The following NCAPD3 variants were observed in gnomAD, a reference collection of about 807,000 sequenced individuals.
NCAPD3 encodes the protein condensin-2 complex subunit D3.
NCAPD3 carries 105 observed loss-of-function variants against 182.9 expected under a neutral mutation model. That is an observed-to-expected ratio of 0.57 (90% CI 0.49 to 0.68). The LOEUF is 0.68. Among genes scored for constraint, NCAPD3 ranks in the 30% least tolerant of loss-of-function variants. The pLI, the probability that NCAPD3 is intolerant of heterozygous loss-of-function variation, is 0.00. For synonymous variants in NCAPD3, 815 were observed against 679.9 expected (o/e 1.20, Z -3.09); for missense variants, 1,944 against 1,837.0 (o/e 1.06, Z -1.07).
At chr11:134,187,095 C>T (rs1315853089) in intron 16 of NCAPD3, among the ~76,000 whole-genome samples, 2 of 152,212 alleles carry the variant, frequency 1.3e-5, no homozygotes, top group Non-Finnish European at 2.9e-5. Context: ...CCCAGCCAGC[C>T]TCCCAGCCCA....
At chr11:134,180,149 C>T (rs753811135) in intron 20 of NCAPD3, among the ~76,000 whole-genome samples, 1 of 152,058 alleles carries the variant, frequency 6.6e-6, no homozygotes, top group Non-Finnish European at 1.5e-5. Flanking sequence ...TGCTACACTC[C>T]CTGGTGCTCT....
chr11:134,181,174 G>T lies in NCAPD3; in HGVS notation c.2462C>A (p.Thr821Lys). The change falls in exon 20 of 35, where the codon ACG (threonine) becomes AAG (lysine). Residue 821 changes from threonine to lysine, a missense_variant. By Grantham distance (78) the Thr-to-Lys change is moderately conservative. This residue lies in a region of NCAPD3 where 1,803 missense variants were observed against 1,674.6 expected (regional missense o/e 1.08). Coordinates refer to ENST00000534548, the MANE Select transcript of NCAPD3 (RefSeq NM_015261.3). ...GGAGAGTACATCCCCACACACCTGCGTCAGCAATTCCTACGGCAAGTCAAA... is the reference window on the plus strand; with the variant it reads ...GGAGAGTACATCCCCACACACCTGCTTCAGCAATTCCTACGGCAAGTCAAA... ...ETPAEEQELL[T>K]QVCGDVLSTC... The T allele has an allele frequency of 6.2e-7, 1 of 1,613,432 alleles. No homozygotes were observed. Among genetic ancestry groups the T allele is most frequent in the Non-Finnish European group, 8.5e-7 (1 of 1,179,524 alleles).
rs543374843 is a variant in NCAPD3 at position 134,201,301 on chromosome 11, C to T, written c.1615+1515G>A. Among the ~76,000 whole-genome samples, 41 of 151,856 alleles carry T rather than the reference C, an allele frequency of 2.7e-4. No homozygotes were observed. In the South Asian group the frequency reaches 5.8e-3, roughly 22 times the overall value. ...CGGCCTCCCAATGTGCCAGGATTACCGGTGTGAGCCACCACGCCTGGCCCA... is the reference window on the plus strand; with the variant it reads ...CGGCCTCCCAATGTGCCAGGATTACTGGTGTGAGCCACCACGCCTGGCCCA... On this transcript the variant is annotated intron_variant, in intron 13 of 34. Coordinates refer to ENST00000534548, the MANE Select transcript of NCAPD3 (RefSeq NM_015261.3).
chr11:134,163,595 G>A (rs1438181606), intron 27 of NCAPD3, among the ~76,000 whole-genome samples: 1 of 151,860 alleles, frequency 6.6e-6, no homozygotes, highest in African/African-American at 2.4e-5. Flanking sequence ...AGCTACTAGG[G>A]AGGCTGAGGC....
At chr11:134,222,716 T>C (rs1938278748) in intron 1 of NCAPD3, among the ~76,000 whole-genome samples, 2 of 152,228 alleles carry the variant, frequency 1.3e-5, no homozygotes, top group African/African-American at 4.8e-5. Flanking sequence ...ATTCTTCAAT[T>C]GGACCTGAAT....
At chr11:134,153,726 A>C (rs1173475721) in intron 32 of NCAPD3, 1 of 311,154 alleles carries the variant, frequency 3.2e-6, no homozygotes, top group Non-Finnish European at 6.2e-6. Flanking sequence ...CCCTGAGGAC[A>C]CTTCAACTCC....
At chr11:134,171,303 T>C (rs1449633971) in intron 24 of NCAPD3, among the ~76,000 whole-genome samples, 1 of 152,194 alleles carries the variant, frequency 6.6e-6, no homozygotes, top group Non-Finnish European at 1.5e-5. Flanking sequence ...TATTACAGCC[T>C]TGTAAAAAGA....
intron 8 of NCAPD3, among the ~76,000 whole-genome samples, chr11:134,205,678 C>A (rs1029552238): frequency 1.3e-5 from 2 of 152,114 alleles, no homozygotes; most frequent in East Asian, 3.9e-4. Flanking sequence ...CGCCCCGCCT[C>A]AAGAAGAAAT....
rs199539835 is a variant in NCAPD3, at chr11:134,217,138, G to C, written c.220-40C>G. ...CAAATCACAAAAGCCAGTCATTAGA[G>C]AAATGGAAACATTTCCTATTATTTG... On this transcript the variant is annotated intron_variant, in intron 2 of 34. Transcript: ENST00000534548. The C allele has an allele frequency of 1.1e-3, 1,596 of 1,499,046 alleles. 2 individuals are homozygous for C. Among genetic ancestry groups the C allele is most frequent in the Non-Finnish European group, 1.2e-3 (1,390 of 1,122,394 alleles). The allele number at this position is 1,499,046 out of a possible 1,614,324, so 92.9% of individuals were successfully genotyped here. A position where few individuals can be genotyped will look rare whatever the true frequency, so the allele number is the denominator to read the frequency against.
At chr11:134,162,329 C>T (rs1487753112) in intron 27 of NCAPD3, among the ~76,000 whole-genome samples, 1 of 152,158 alleles carries the variant, frequency 6.6e-6, no homozygotes, top group East Asian at 1.9e-4. Flanking sequence ...GGACAATGGT[C>T]TAAAAATGGC....
chr11:134,179,873 T>G (rs544574463), intron 20 of NCAPD3, among the ~76,000 whole-genome samples: 16 of 152,286 alleles, frequency 1.1e-4, no homozygotes, highest in Admixed American at 2.0e-4. Context: ...TATATGAGTT[T>G]AAAAGAATCT....
At position 134,206,651 on chromosome 11, in the gene NCAPD3, C is replaced by T; in HGVS notation, c.964G>A (p.Ala322Thr). The T allele has an allele frequency of 6.2e-7, 1 of 1,613,620 alleles. No homozygotes were observed. The highest frequency in any genetic ancestry group is 8.5e-7 in the Non-Finnish European group (1 of 1,179,852). The change falls in exon 8 of 35, where the codon GCT becomes ACT. Residue 322 changes from alanine (A) to threonine (T), a missense_variant. By Grantham distance (58) the Ala-to-Thr change is moderately conservative (BLOSUM62 0). Transcript: ENST00000534548. ...CAGTTGATGACTTGGGAGGTAACAG[C>T]AAGGGGGGCACGATGGGATCCTTCA... ...VGEGSHRAPL[A>T]VTSQVINCRN...
chr11:134,163,393 A>G (rs1943648314), intron 27 of NCAPD3, among the ~76,000 whole-genome samples: 1 of 152,086 alleles, frequency 6.6e-6, no homozygotes, highest in Non-Finnish European at 1.5e-5. Flanking sequence ...AAAATGATCA[A>G]ATTTGTACTT....
chr11:134,177,214 C>T lies in NCAPD3; in HGVS notation c.3021+5G>A, dbSNP rs377147617. The stretch of plus-strand genomic sequence containing the variant: ...GGAAAGGACAGATTGAACCCCCCTA[C>T]GCACCTGCAAGAGATTGGTAAGCAA... On this transcript the variant is annotated splice_donor_5th_base_variant and intron_variant, in intron 23 of 34. Transcript: ENST00000534548. The T allele has an allele frequency of 1.2e-5, 19 of 1,604,708 alleles. No homozygotes were observed. The African/African-American group carries it at 1.9e-4, about 16-fold the overall frequency.
In NCAPD3 at chr11:134,153,381, AC is replaced by A; in HGVS notation, c.4253-19del. 6.2e-7 allele frequency: 1 copy of A among 1,613,596 alleles called. No individual in the cohort carries two copies. Among genetic ancestry groups the A allele is most frequent in the Non-Finnish European group, 8.5e-7 (1 of 1,179,662 alleles). On this transcript the variant is annotated intron_variant, in intron 32 of 34. Transcript: ENST00000534548. ...GATGCTCTCTGCATAAAGAGGAGAC[AC>A]CACTGAGTGAAAGCCGCGTGGTCTA...
rs1348816969 is a variant in NCAPD3 at position 134,168,110 on chromosome 11, C to T, written c.3459G>A (p.Glu1153=). The T allele has an allele frequency of 6.2e-7, 1 of 1,614,026 alleles. No homozygotes were observed. Among genetic ancestry groups the T allele is most frequent in the Non-Finnish European group, 8.5e-7 (1 of 1,180,006 alleles). Residue 1153 remains glutamate, a synonymous_variant, in exon 27 of 35, where the codon GAG becomes GAA. Coordinates refer to ENST00000534548, the MANE Select transcript of NCAPD3 (RefSeq NM_015261.3). ...SDTFEVLSSK[E]IKLLAMRSKP... ...TAGATCTCATTGCCAAAAGCTTGAT[C>T]TCCTTTGAGCTGAGGACCTCAAACG... is the stretch of plus-strand genomic sequence containing the variant.
chr11:134,154,742 G>A (rs1009345122), intron 32 of NCAPD3, among the ~76,000 whole-genome samples: 1 of 152,234 alleles, frequency 6.6e-6, no homozygotes, highest in Non-Finnish European at 1.5e-5. Flanking sequence ...AAGCACATGC[G>A]AGGAGGCAGC....
At chr11:134,208,828 C>A in intron 7 of NCAPD3, 36 bp downstream of exon 7, 1 of 1,456,836 alleles carries the variant, frequency 6.9e-7, no homozygotes, top group South Asian at 1.2e-5. Flanking sequence ...GCCTTCGATT[C>A]AACTAGTAAC....
chr11:134,215,604 G>T (rs1044679322), intron 3 of NCAPD3, among the ~76,000 whole-genome samples: 1 of 152,042 alleles, frequency 6.6e-6, no homozygotes, highest in African/African-American at 2.4e-5. Flanking sequence ...CAAGAGTTGC[G>T]CACCAAAAAT....
Sources: allele counts gnomAD v4.1 joint callset (sites outside exome capture counted in the v4.1 genomes callset), GRCh38; gene constraint gnomAD v4.1.1; regional missense constraint gnomAD v4.1.1; transcripts MANE v1.5; gene names NCBI Gene and HGNC (gene_info 2026-07-23, HGNC 2026-07-21).